The following ATIC variants were observed in gnomAD, a reference collection of about 807,000 sequenced individuals.
ATIC encodes 5-aminoimidazole-4-carboxamide ribonucleotide formyltransferase/IMP cyclohydrolase.
In ATIC, 64 loss-of-function variants were observed where a neutral mutation model predicts 72.5. The observed-to-expected ratio is 0.88, with a 90% confidence interval of 0.72 to 1.09. The LOEUF (loss-of-function observed/expected upper bound fraction) is 1.09. ATIC is among the 50% of genes least tolerant of loss of function. ATIC has a pLI of 0.00. For synonymous variants in ATIC, 281 were observed against 267.1 expected, an observed-to-expected ratio of 1.05 and a Z score of -0.51; for missense variants, 787 against 732.4, an observed-to-expected ratio of 1.07 and a Z score of -0.86.
the ATIC span, chr2:215,362,305 T>C: frequency 1.8e-6 from 1 of 542,204 alleles, no homozygotes; most frequent in African/African-American, 1.9e-5. Context: ...GTTGTTTCTT[T>C]CTCCTGAAAT....
chr2:215,324,278 C>T (rs956488720), intron 4 of ATIC, among the ~76,000 whole-genome samples: 1 of 152,180 alleles, frequency 6.6e-6, no homozygotes, highest in Non-Finnish European at 1.5e-5. Flanking sequence ...GTTTTTCTTA[C>T]ACTTTGTCAT....
chr2:215,362,023 A>C, the ATIC span: 2 of 1,614,040 alleles, frequency 1.2e-6, no homozygotes, highest in African/African-American at 1.3e-5. Context: ...ACTGGCCAGT[A>C]GTGCCTTCGG....
the ATIC span, among the ~76,000 whole-genome samples, chr2:215,357,210 T>G: frequency 6.6e-6 from 1 of 152,230 alleles, no homozygotes; most frequent in Non-Finnish European, 1.5e-5. Flanking sequence ...AAGGCAGTGC[T>G]TCATTCTAGA....
chr2:215,351,915 T>C (rs910411269), downstream of ATIC, among the ~76,000 whole-genome samples: 63 of 152,246 alleles, frequency 4.1e-4, no homozygotes, highest in African/African-American at 1.2e-3. Flanking sequence ...AATAGCACTT[T>C]ACCTTTTTGG....
intron 12 of ATIC, 115 bp downstream of exon 12, chr2:215,339,022 G>A (rs532773885): frequency 3.5e-5 from 48 of 1,383,048 alleles, no homozygotes; most frequent in South Asian, 1.9e-4. Context: ...GTATGCACAC[G>A]GCTAGCTAGC....
intron 4 of ATIC, among the ~76,000 whole-genome samples, chr2:215,324,060 C>T (rs2052797227): frequency 6.6e-6 from 1 of 152,148 alleles, no homozygotes; most frequent in Non-Finnish European, 1.5e-5. Context: ...CCTTGCCCGG[C>T]TAATTTTTGT....
the ATIC span, among the ~76,000 whole-genome samples, chr2:215,358,536 C>A: frequency 6.6e-6 from 1 of 152,090 alleles, no homozygotes; most frequent in African/African-American, 2.4e-5. Context: ...TCAGCTGACA[C>A]AAAGTAAGAC....
At chr2:215,336,267 A>G in intron 11 of ATIC, 143 bp downstream of exon 11, 1 of 701,884 alleles carries the variant, frequency 1.4e-6, no homozygotes, top group Non-Finnish European at 2.4e-6. Context: ...ATTTAAAAAA[A>G]TACTATTAAC....
chr2:215,342,662 T>C (rs996976988), intron 12 of ATIC, among the ~76,000 whole-genome samples: 15 of 152,200 alleles, frequency 9.9e-5, no homozygotes, highest in Non-Finnish European at 1.9e-4. Flanking sequence ...ACAGTTTTTG[T>C]GTGTTTGTGT....
chr2:215,356,105 G>C, the ATIC span, among the ~76,000 whole-genome samples: 1 of 152,204 alleles, frequency 6.6e-6, no homozygotes, highest in Non-Finnish European at 1.5e-5. Context: ...AGAATGAGAT[G>C]AGAACAATAC....
At chr2:215,318,073 G>C in intron 2 of ATIC, 84 bp from the exon 3 acceptor site, 1 of 1,247,496 alleles carries the variant, frequency 8.0e-7, no homozygotes. Flanking sequence ...AAAATCTCTT[G>C]AAATGAAAAC....
rs778335377 is a variant in ATIC at position 215,318,192 on chromosome 2, T to C, written c.182T>C (p.Leu61Ser). 6.2e-7 allele frequency: 1 copy of C among 1,614,142 alleles called. No homozygotes were observed. The highest frequency in any genetic ancestry group is 2.2e-5 in the East Asian group (1 of 44,864). ...VSELTGFPEM[L>S]GGRVKTLHPA... ...GAGTTGACGGGATTTCCTGAAATGT[T>C]GGGGGGACGTGTGAAAACTTTGCAT... The change falls in exon 3 of 16, where the codon TTG (leucine) becomes TCG (serine). Residue 61 changes from leucine (L) to serine (S), a missense_variant. Physicochemically the swap from Leu to Ser is moderately radical, Grantham distance 145. Transcript: ENST00000236959.
At chr2:215,318,084 A>G in intron 2 of ATIC, 73 bp from the exon 3 acceptor site, 3 of 1,321,430 alleles carry the variant, frequency 2.3e-6, no homozygotes, top group Non-Finnish European at 3.3e-6. Context: ...AAATGAAAAC[A>G]GTAGATGCTT....
In ATIC at chr2:215,326,860, A is replaced by G. The variant is rs2052833326; in HGVS notation, c.570A>G (p.Ser190=). 1 of 1,614,160 alleles carries G rather than the reference A, an allele frequency of 6.2e-7. No homozygotes were observed. Among genetic ancestry groups the G allele is most frequent in the Admixed American group, 1.7e-5 (1 of 60,014 alleles). ...CGGCACAATATGATGAAGCAATTTCAGATTATTTCAGGAAACAGTACAGCA... is the reference window on the plus strand; with the variant it reads ...CGGCACAATATGATGAAGCAATTTCGGATTATTTCAGGAAACAGTACAGCA... ...THTAQYDEAI[S]DYFRKQYSKG... is the part of the protein sequence containing the mutation. The change falls in exon 7 of 16, where the codon TCA becomes TCG. Residue 190 remains serine (S), a synonymous_variant. Coordinates refer to ENST00000236959, the MANE Select transcript of ATIC (RefSeq NM_004044.7).
intron 12 of ATIC, among the ~76,000 whole-genome samples, chr2:215,341,330 A>G (rs4673990): frequency 0.41 from 62,816 of 152,018 alleles, 14,273 homozygotes; most frequent in East Asian, 0.78. Context: ...CATGTTGAGA[A>G]TTGTGCCTAG....
intron 13 of ATIC, among the ~76,000 whole-genome samples, chr2:215,346,220 G>A (rs1410357868): frequency 4.6e-5 from 7 of 152,232 alleles, no homozygotes; most frequent in Non-Finnish European, 2.9e-5. Flanking sequence ...AGAGTACAGT[G>A]ACATGATCAT....
intron 4 of ATIC, among the ~76,000 whole-genome samples, chr2:215,324,819 T>C (rs2052805119): frequency 6.6e-6 from 1 of 152,220 alleles, no homozygotes; most frequent in Non-Finnish European, 1.5e-5. Flanking sequence ...GCCAATCCAC[T>C]GGAAAAAGAA....
At position 215,318,210 on chromosome 2, in the gene ATIC, CT is replaced by C. The variant is rs1249744679; in HGVS notation, c.203del (p.Leu68CysfsTer10). ...GAAATGTTGGGGGGACGTGTGAAAACTTTGCATCCTGCAGTCCATGCTGGTA... is the reference window on the plus strand; with the variant it reads ...GAAATGTTGGGGGGACGTGTGAAAACTTGCATCCTGCAGTCCATGCTGGTA... ...FPEMLGGRVK[T>X]LHPAVHAGIL... On this transcript the variant is annotated frameshift_variant, in exon 3 of 16. Transcript: ENST00000236959. LOFTEE classifies it high-confidence loss of function. The C allele has an allele frequency of 1.2e-6, 2 of 1,613,952 alleles. No homozygotes were observed. The highest frequency in any genetic ancestry group is 2.7e-5 in the African/African-American group (2 of 74,918).
At chr2:215,337,121 C>A (rs1034086486) in intron 11 of ATIC, among the ~76,000 whole-genome samples, 2 of 140,202 alleles carry the variant, frequency 1.4e-5, no homozygotes, top group African/African-American at 5.3e-5. Flanking sequence ...ATGAGCTCTT[C>A]TGTATTGGGA....
Sources: gnomAD v4.1 joint callset for allele counts (sites outside exome capture counted in the v4.1 genomes callset) on GRCh38, gnomAD v4.1.1 for gene constraint, MANE v1.5 for transcripts, NCBI Gene and HGNC (gene_info 2026-07-23, HGNC 2026-07-21) for gene names.